The following LRRC28 variants were observed in gnomAD, a reference collection of about 807,000 sequenced individuals.
LRRC28 encodes leucine rich repeat containing 28.
In LRRC28, 39 loss-of-function variants were observed where a neutral mutation model predicts 45.7. The observed-to-expected ratio is 0.85, with a 90% CI of 0.66 to 1.12. LRRC28 has a LOEUF of 1.12. Among genes scored for constraint, LRRC28 ranks in the 50% most tolerant of loss-of-function variants. The pLI, the probability that LRRC28 is intolerant of heterozygous loss-of-function variation, is 0.00. For synonymous variants in LRRC28, 206 were observed against 178.8 expected, an observed-to-expected ratio of 1.15 and a Z score of -1.22; for missense variants, 435 against 438.5, an observed-to-expected ratio of 0.99 and a Z score of 0.07.
chr15:99,365,539 C>A (rs935469006), intron 9 of LRRC28, among the ~76,000 whole-genome samples: 1 of 152,196 alleles, frequency 6.6e-6, no homozygotes, highest in African/African-American at 2.4e-5. Flanking sequence ...AAAAGTACTT[C>A]CTTTTGTAGT....
chr15:99,257,745 AG>A, intron 2 of LRRC28: 2 of 774,624 alleles, frequency 2.6e-6, no homozygotes, highest in Middle Eastern at 4.7e-4. Context: ...GGGTAAAAGT[AG>A]ACAAGGCTCA....
chr15:99,261,652 ATTTTAAT>A (rs957459304), intron 2 of LRRC28, among the ~76,000 whole-genome samples: 2 of 151,552 alleles, frequency 1.3e-5, no homozygotes, highest in Non-Finnish European at 2.9e-5. Flanking sequence ...TTTAATCTTA[ATTTTAAT>A]TTTAATTTTT....
chr15:99,367,687 A>G (rs1957377249), intron 9 of LRRC28, among the ~76,000 whole-genome samples: 1 of 152,214 alleles, frequency 6.6e-6, no homozygotes, highest in Non-Finnish European at 1.5e-5. Context: ...GCCAGATAGA[A>G]GAGACGTATA....
intron 5 of LRRC28, among the ~76,000 whole-genome samples, chr15:99,310,005 A>G (rs1359292128): frequency 6.6e-6 from 1 of 152,226 alleles, no homozygotes; most frequent in Non-Finnish European, 1.5e-5. Context: ...GTGCCAGAAA[A>G]CAGAATCAGT....
chr15:99,307,463 A>G (rs1408781543), intron 5 of LRRC28, among the ~76,000 whole-genome samples: 1 of 152,204 alleles, frequency 6.6e-6, no homozygotes, highest in African/African-American at 2.4e-5. Context: ...AGAAAGATCT[A>G]TTCCTCTCCT....
chr15:99,382,459 C>T (rs1210019197), intron 9 of LRRC28, among the ~76,000 whole-genome samples: 1 of 152,068 alleles, frequency 6.6e-6, no homozygotes, highest in Admixed American at 6.5e-5. Flanking sequence ...TTGGAACCGC[C>T]GAAAATTTGT....
At chr15:99,269,466 C>T (rs913698090) in intron 2 of LRRC28, among the ~76,000 whole-genome samples, 2 of 151,806 alleles carry the variant, frequency 1.3e-5, no homozygotes, top group East Asian at 1.9e-4. Context: ...TGCAGTGGCA[C>T]GAACTCAGCT....
chr15:99,256,354 T>C (rs2081021159), intron 2 of LRRC28: 1 of 361,238 alleles, frequency 2.8e-6, no homozygotes, highest in Admixed American at 4.4e-5. Context: ...AAATACTCAC[T>C]GATGTATGAC....
chr15:99,387,103 CA>C lies in LRRC28; in HGVS notation c.*1002del, dbSNP rs1958024162. 6.6e-6 allele frequency: 1 copy of C among 151,620 alleles called. No individual in the cohort carries two copies. Among genetic ancestry groups the C allele is most frequent in the South Asian group, 2.1e-4 (1 of 4,772 alleles). 9.4% of individuals were successfully genotyped at this position (151,620 alleles called of 1,614,324 possible). A position where few individuals can be genotyped will look rare whatever the true frequency, so the allele number is the denominator to read the frequency against. On this transcript the variant is annotated 3_prime_UTR_variant, in exon 10 of 10. Coordinates refer to ENST00000301981, the MANE Select transcript of LRRC28 (RefSeq NM_144598.5). Reference sequence around the variant, plus strand: ...TGAGACGGAGTCTCGCTCTGTCGCCCAGGCTGGAGTGCAGTGGCGGGATCTC... The same window carrying C: ...TGAGACGGAGTCTCGCTCTGTCGCCCGGCTGGAGTGCAGTGGCGGGATCTC...
At chr15:99,254,315 A>G (rs1200628763) in intron 1 of LRRC28, among the ~76,000 whole-genome samples, 1 of 152,244 alleles carries the variant, frequency 6.6e-6, no homozygotes, top group African/African-American at 2.4e-5. Flanking sequence ...TTGCCTTTTT[A>G]TATAAAATGG....
rs2081099584 is a variant in LRRC28, at chr15:99,258,641, AAT to A, written c.168+2519_168+2520del. ...GGGAACTTATGAATGATATCAAACC[AAT>A]ATGGCAGAGACCATCCAAGAAGTAG... On this transcript the variant is annotated intron_variant, in intron 2 of 9. Coordinates refer to ENST00000301981, the MANE Select transcript of LRRC28 (RefSeq NM_144598.5). 8 of 756,008 alleles carry A rather than the reference AAT, an allele frequency of 1.1e-5. No individual in the cohort carries two copies. The East Asian group carries it at 2.2e-4, about 21-fold the overall frequency. The allele number at this position is 756,008 out of a possible 1,614,324, so 46.8% of individuals were successfully genotyped here.
intron 2 of LRRC28, among the ~76,000 whole-genome samples, chr15:99,267,749 A>C (rs2081369274): frequency 6.6e-6 from 1 of 152,214 alleles, no homozygotes; most frequent in Non-Finnish European, 1.5e-5. Context: ...GTTTTGTTAC[A>C]ACAGCTTCTT....
intron 2 of LRRC28, among the ~76,000 whole-genome samples, chr15:99,256,883 A>G (rs981269565): frequency 1.3e-5 from 2 of 152,202 alleles, no homozygotes; most frequent in Non-Finnish European, 2.9e-5. Context: ...TTTACTTTGT[A>G]TGGCCTTTTC....
At chr15:99,365,673 T>C (rs1014762350) in intron 9 of LRRC28, among the ~76,000 whole-genome samples, 2 of 152,254 alleles carry the variant, frequency 1.3e-5, no homozygotes, top group African/African-American at 4.8e-5. Flanking sequence ...TGTCATAAAA[T>C]ACATTATATC....
intron 6 of LRRC28, among the ~76,000 whole-genome samples, chr15:99,352,155 C>T (rs1956901413): frequency 6.6e-6 from 1 of 152,168 alleles, no homozygotes; most frequent in African/African-American, 2.4e-5. Context: ...GGTTTAGGAA[C>T]CTGACTAAAG....
intron 9 of LRRC28, chr15:99,384,845 G>A (rs938846599): frequency 5.9e-5 from 9 of 152,234 alleles, no homozygotes; most frequent in East Asian, 1.9e-4. Flanking sequence ...GAGCTGCTTC[G>A]TTGGGCCACT....
At chr15:99,361,144 A>G (rs1957188253) in intron 7 of LRRC28, 192 bp from the exon 8 acceptor site, 4 of 572,550 alleles carry the variant, frequency 7.0e-6, no homozygotes, top group Non-Finnish European at 1.2e-5. Flanking sequence ...CTGAGTTCCA[A>G]CTGATGAGTT....
intron 1 of LRRC28, among the ~76,000 whole-genome samples, chr15:99,253,052 C>T (rs2152118236): frequency 6.6e-6 from 1 of 151,662 alleles, no homozygotes; most frequent in East Asian, 1.9e-4. Context: ...TGTGAGGAGT[C>T]CTACGAAGAA....
At position 99,256,302 on chromosome 15, in the gene LRRC28, C is replaced by T. The variant is rs528419946; in HGVS notation, c.168+177C>T. 1.7e-4 allele frequency: 85 copies of T among 486,506 alleles called. No individual in the cohort carries two copies. In the East Asian group the frequency reaches 2.5e-3, roughly 14 times the overall value. The allele number at this position is 486,506 out of a possible 1,614,324, so 30.1% of individuals were successfully genotyped here. On this transcript the variant is annotated intron_variant, in intron 2 of 9. Coordinates refer to ENST00000301981, the MANE Select transcript of LRRC28 (RefSeq NM_144598.5). ...TGGCTATGAATTTGTTATCCAAGTT[C>T]GTGCAGTTATGAGGTTGCCGGAGAA...
Sources: gnomAD v4.1 joint callset for allele counts (sites outside exome capture counted in the v4.1 genomes callset) on GRCh38, gnomAD v4.1.1 for gene constraint, MANE v1.5 for transcripts, NCBI Gene and HGNC (gene_info 2026-07-23, HGNC 2026-07-21) for gene names.